ZFAND3: variants seen among roughly 807,000 people sequenced by gnomAD.
ZFAND3 encodes zinc finger AN1-type containing 3.
ZFAND3 carries 10 observed loss-of-function variants against 29.6 expected under a neutral mutation model. The observed-to-expected ratio is 0.34, with a 90% CI of 0.21 to 0.57. The LOEUF (loss-of-function observed/expected upper bound fraction) is 0.57. Among genes scored for constraint, ZFAND3 ranks in the 20% least tolerant of loss-of-function variants. The pLI, the probability that ZFAND3 is intolerant of heterozygous loss-of-function variation, is 0.86. For synonymous variants in ZFAND3, 128 were observed against 112.6 expected, an observed-to-expected ratio of 1.14 and a Z score of -0.87; for missense variants, 230 against 304.5, an observed-to-expected ratio of 0.76 and a Z score of 1.82.
intron 5 of ZFAND3, among the ~76,000 whole-genome samples, chr6:38,117,925 T>C (rs1460791382): frequency 6.6e-6 from 1 of 152,234 alleles, no homozygotes; most frequent in Non-Finnish European, 1.5e-5. Flanking sequence ...CCTATTCCTG[T>C]TTTGACCAGA....
chr6:37,973,438 T>A (rs1762424994), intron 2 of ZFAND3, among the ~76,000 whole-genome samples: 1 of 152,210 alleles, frequency 6.6e-6, no homozygotes, highest in Non-Finnish European at 1.5e-5. Context: ...CTAAACTTGG[T>A]TACTGTGGAG....
chr6:37,906,145 T>A (rs961025818), intron 1 of ZFAND3, among the ~76,000 whole-genome samples: 2 of 152,168 alleles, frequency 1.3e-5, no homozygotes, highest in African/African-American at 4.8e-5. Flanking sequence ...CTGTCTAGTT[T>A]GAGAACATTC....
chr6:38,146,193 A>G (rs1766103822), intron 5 of ZFAND3, among the ~76,000 whole-genome samples: 1 of 152,166 alleles, frequency 6.6e-6, no homozygotes, highest in African/African-American at 2.4e-5. Flanking sequence ...GCTCACTTGA[A>G]GGAGATCTTC....
intron 1 of ZFAND3, among the ~76,000 whole-genome samples, chr6:37,861,906 T>G (rs1397970975): frequency 6.6e-6 from 1 of 152,214 alleles, no homozygotes; most frequent in Non-Finnish European, 1.5e-5. Flanking sequence ...GAAAATATGT[T>G]GTATGTGTTT....
intron 2 of ZFAND3, among the ~76,000 whole-genome samples, chr6:37,990,383 G>A (rs1210096413): frequency 6.6e-6 from 1 of 152,076 alleles, no homozygotes; most frequent in Non-Finnish European, 1.5e-5. Context: ...TTTGAACCCA[G>A]GGTATGTACT....
intron 2 of ZFAND3, among the ~76,000 whole-genome samples, chr6:38,060,107 C>T (rs967988173): frequency 2.0e-5 from 3 of 152,048 alleles, no homozygotes; most frequent in Non-Finnish European, 4.4e-5. Flanking sequence ...ATTGAAAATA[C>T]GGGATGCTAA....
chr6:37,935,399 C>T (rs920067336), intron 2 of ZFAND3, among the ~76,000 whole-genome samples: 15 of 151,880 alleles, frequency 9.9e-5, no homozygotes, highest in African/African-American at 3.1e-4. Flanking sequence ...TATGATTTTA[C>T]TTAAATAAGT....
intron 4 of ZFAND3, among the ~76,000 whole-genome samples, chr6:38,112,520 T>C (rs1426425258): frequency 1.3e-5 from 2 of 152,220 alleles, no homozygotes; most frequent in Admixed American, 6.5e-5. Flanking sequence ...GTTCAGAGTA[T>C]GTAAGTAGAC....
chr6:37,992,994 C>T (rs1762786293), intron 2 of ZFAND3, among the ~76,000 whole-genome samples: 1 of 152,186 alleles, frequency 6.6e-6, no homozygotes, highest in African/African-American at 2.4e-5. Flanking sequence ...GTTACTGCAT[C>T]ACATTCCATA....
intron 1 of ZFAND3, among the ~76,000 whole-genome samples, chr6:37,916,917 C>G (rs971527842): frequency 2.0e-5 from 3 of 152,208 alleles, no homozygotes; most frequent in Non-Finnish European, 2.9e-5. Flanking sequence ...TATACACTAC[C>G]TGCCTGTTAG....
At chr6:37,871,076 A>G (rs1019798777) in intron 1 of ZFAND3, among the ~76,000 whole-genome samples, 5 of 152,090 alleles carry the variant, frequency 3.3e-5, no homozygotes, top group Non-Finnish European at 7.4e-5. Flanking sequence ...TCTCTGCCCC[A>G]TTCTCTCTTA....
chr6:37,856,413 CA>C (rs1764383907), intron 1 of ZFAND3, among the ~76,000 whole-genome samples: 1 of 152,196 alleles, frequency 6.6e-6, no homozygotes, highest in South Asian at 2.1e-4. Flanking sequence ...CTCTTTCTAG[CA>C]GTGCTAGTTA....
chr6:37,976,344 G>A (rs1322863989), intron 2 of ZFAND3, among the ~76,000 whole-genome samples: 1 of 152,086 alleles, frequency 6.6e-6, no homozygotes, highest in African/African-American at 2.4e-5. Context: ...CACTTTGGGA[G>A]GCCAAGGTAG....
chr6:37,942,986 T>G (rs903401766), intron 2 of ZFAND3, among the ~76,000 whole-genome samples: 1 of 152,086 alleles, frequency 6.6e-6, no homozygotes, highest in African/African-American at 2.4e-5. Context: ...TGGTGACAGG[T>G]TTAGACAACA....
At chr6:37,884,788 A>G (rs992641990) in intron 1 of ZFAND3, among the ~76,000 whole-genome samples, 1 of 152,082 alleles carries the variant, frequency 6.6e-6, no homozygotes, top group Non-Finnish European at 1.5e-5. Context: ...AAAAATTATC[A>G]GTGGATTCCT....
intron 2 of ZFAND3, among the ~76,000 whole-genome samples, chr6:38,032,719 CA>C (rs145034600): frequency 6.6e-6 from 1 of 152,118 alleles, no homozygotes; most frequent in African/African-American, 2.4e-5. Context: ...AAGCAAAGCA[CA>C]AAAGAGTCCC....
At chr6:38,125,993 G>A (rs775877867) in intron 5 of ZFAND3, among the ~76,000 whole-genome samples, 2 of 151,900 alleles carry the variant, frequency 1.3e-5, no homozygotes, top group Non-Finnish European at 2.9e-5. Flanking sequence ...ATGAGTTTTA[G>A]TAGATTTGTG....
At chr6:38,024,997 T>G (rs1763421338) in intron 2 of ZFAND3, among the ~76,000 whole-genome samples, 1 of 152,258 alleles carries the variant, frequency 6.6e-6, no homozygotes, top group Admixed American at 6.5e-5. Context: ...TATGTATTGT[T>G]CATTATTTCT....
intron 1 of ZFAND3, among the ~76,000 whole-genome samples, chr6:37,849,084 T>C (rs1485898131): frequency 6.6e-6 from 1 of 152,212 alleles, no homozygotes; most frequent in Non-Finnish European, 1.5e-5. Context: ...CTGGTAATTA[T>C]GATAAACTGC....
Sources: gnomAD v4.1 joint callset for allele counts (sites outside exome capture counted in the v4.1 genomes callset) on GRCh38, gnomAD v4.1.1 for gene constraint, MANE v1.5 for transcripts, NCBI Gene and HGNC (gene_info 2026-07-23, HGNC 2026-07-21) for gene names.